The following CMSS1 variants were observed in gnomAD, a reference collection of about 807,000 sequenced individuals.
The protein encoded by CMSS1 is cms1 ribosomal small subunit homolog, also known as protein CMSS1.
Under a neutral mutation model 43.5 loss-of-function variants are expected in CMSS1, and 33 were observed. The observed-to-expected ratio is 0.76, with a 90% CI of 0.57 to 1.01. CMSS1 has a LOEUF of 1.01. Ranked by LOEUF, CMSS1 falls within the 50% of genes least tolerant of loss-of-function variation. The pLI is 0.00. For missense variants in CMSS1, 313 were observed against 326.4 expected (o/e 0.96, Z 0.32); for synonymous variants, 115 against 117.2 (o/e 0.98, Z 0.12).
intron 1 of CMSS1, among the ~76,000 whole-genome samples, chr3:100,000,348 T>C (rs1019669958): frequency 3.9e-5 from 6 of 152,328 alleles, no homozygotes; most frequent in Admixed American, 1.3e-4. Flanking sequence ...TTTATTTGTT[T>C]TCTTGTTTGT....
At chr3:99,897,358 AGACT>A (rs1706291013) in intron 1 of CMSS1, among the ~76,000 whole-genome samples, 1 of 151,928 alleles carries the variant, frequency 6.6e-6, no homozygotes, top group African/African-American at 2.4e-5. Context: ...GACAAGAGCT[AGACT>A]TTGTCTCAAA....
Position 100,117,826 on chromosome 3 carries a change from TATATATATATATATATATATATATATAC to T in CMSS1, c.65-29121_65-29094del, listed in dbSNP as rs1252700665. 2.2e-3 allele frequency among the ~76,000 whole-genome samples: 123 copies of T among 56,758 alleles called. 1 individual carries two copies. Among genetic ancestry groups the T allele is most frequent in the African/African-American group, 0.013 (102 of 7,954 alleles). The allele number at this position is 56,758 out of a possible 152,430, so 37.2% of individuals were successfully genotyped here. ...CCATCAATGGATAGATAAACTGCAG[TATATATATATATATATATATATATATAC>T]ATATATATATATATATATATATATA... On this transcript the variant is annotated intron_variant, in intron 1 of 9. Transcript: ENST00000421999.
intron 1 of CMSS1, among the ~76,000 whole-genome samples, chr3:99,886,862 C>G (rs1705916279): frequency 6.6e-6 from 1 of 151,504 alleles, no homozygotes. Context: ...CCCAGCTACT[C>G]AGGAGGCTGA....
At chr3:100,146,041 A>T (rs1430659072) in intron 1 of CMSS1, among the ~76,000 whole-genome samples, 1 of 152,258 alleles carries the variant, frequency 6.6e-6, no homozygotes, top group Non-Finnish European at 1.5e-5. Context: ...ACATGTTCAC[A>T]TATTCACATT....
At chr3:100,090,719 C>A (rs904730205) in intron 1 of CMSS1, among the ~76,000 whole-genome samples, 1 of 152,144 alleles carries the variant, frequency 6.6e-6, no homozygotes, top group Non-Finnish European at 1.5e-5. Flanking sequence ...CACCCAAATG[C>A]TCAGGAAAAC....
chr3:100,007,818 A>G (rs1179547469), intron 1 of CMSS1, among the ~76,000 whole-genome samples: 1 of 152,326 alleles, frequency 6.6e-6, no homozygotes. Context: ...GGAATTGGCC[A>G]CTGCCAGCCA....
intron 1 of CMSS1, among the ~76,000 whole-genome samples, chr3:100,034,440 T>G (rs1051993575): frequency 1.3e-5 from 2 of 152,124 alleles, no homozygotes; most frequent in African/African-American, 4.8e-5. Flanking sequence ...TCACACTGGC[T>G]TTAGTAAGGA....
intron 1 of CMSS1, among the ~76,000 whole-genome samples, chr3:99,950,192 T>C (rs1235088248): frequency 6.6e-6 from 1 of 152,178 alleles, no homozygotes; most frequent in Non-Finnish European, 1.5e-5. Flanking sequence ...TTTACTTCCT[T>C]ATCTATATTT....
chr3:99,930,547 C>T (rs899221637), intron 1 of CMSS1, among the ~76,000 whole-genome samples: 6 of 152,210 alleles, frequency 3.9e-5, no homozygotes, highest in Admixed American at 2.0e-4. Flanking sequence ...TGACCTTTCA[C>T]GACCTGTATG....
chr3:100,067,098 C>A (rs1335469888), intron 1 of CMSS1, among the ~76,000 whole-genome samples: 1 of 152,132 alleles, frequency 6.6e-6, no homozygotes, highest in Non-Finnish European at 1.5e-5. Context: ...GATGCATGTT[C>A]CCAGGGCACC....
intron 1 of CMSS1, among the ~76,000 whole-genome samples, chr3:99,821,215 C>A (rs1288606747): frequency 6.6e-6 from 1 of 152,182 alleles, no homozygotes; most frequent in Non-Finnish European, 1.5e-5. Context: ...AACATGGGAC[C>A]TGGCACTTAA....
intron 1 of CMSS1, among the ~76,000 whole-genome samples, chr3:100,127,681 C>T (rs1463556193): frequency 2.0e-5 from 3 of 152,190 alleles, no homozygotes; most frequent in Non-Finnish European, 2.9e-5. Flanking sequence ...CATCTCACTG[C>T]TTACATAATC....
chr3:100,104,301 G>C (rs1013573886), intron 1 of CMSS1, among the ~76,000 whole-genome samples: 1 of 152,168 alleles, frequency 6.6e-6, no homozygotes. Flanking sequence ...CCTGAAACTG[G>C]AATCAAGACC....
intron 1 of CMSS1, among the ~76,000 whole-genome samples, chr3:99,916,405 C>T (rs1217671576): frequency 6.6e-6 from 1 of 150,440 alleles, no homozygotes; most frequent in Non-Finnish European, 1.5e-5. Context: ...CCTTCAGGAT[C>T]ATGTGAGCCA....
At chr3:100,013,203 A>G (rs1710213578) in intron 1 of CMSS1, among the ~76,000 whole-genome samples, 1 of 146,150 alleles carries the variant, frequency 6.8e-6, no homozygotes, top group Non-Finnish European at 1.5e-5. Flanking sequence ...GCCCATTTCA[A>G]GGCCAGTGAG....
chr3:99,824,067 C>T (rs1253268497), intron 1 of CMSS1, among the ~76,000 whole-genome samples: 2 of 151,972 alleles, frequency 1.3e-5, no homozygotes, highest in Non-Finnish European at 2.9e-5. Context: ...GGATTACAGG[C>T]GCCTGCCACC....
At chr3:99,989,749 C>T (rs935818945) in intron 1 of CMSS1, among the ~76,000 whole-genome samples, 3 of 149,570 alleles carry the variant, frequency 2.0e-5, no homozygotes, top group African/African-American at 7.4e-5. Flanking sequence ...ATTTAGTATG[C>T]TAATATGTTA....
Position 100,166,291 on chromosome 3 carries a change from G to A in CMSS1, c.356-44G>A, listed in dbSNP as rs199780598. On this transcript the variant is annotated intron_variant, in intron 4 of 9. Transcript: ENST00000421999. ...CATATAATCTGTTTTGATTGTGTGT[G>A]TGTTTACAAAATTATCTACAAAGCA... 1.6e-4 allele frequency: 205 copies of A among 1,264,050 alleles called. 2 individuals are homozygous for A. The African/African-American group carries it at 2.7e-3, about 17-fold the overall frequency. 78.3% of individuals were successfully genotyped at this position (1,264,050 alleles called of 1,614,324 possible).
rs1942351516 is a variant in CMSS1 at position 99,817,875 on chromosome 3, A to G, written c.-105A>G. ...GGCGGAGGCGACAGTGTCTAGCGGG[A>G]GCTCCGCGTGTAGCTACGCCGGCCG... is the stretch of plus-strand genomic sequence containing the variant. On this transcript the variant is annotated 5_prime_UTR_variant, in exon 1 of 10. Coordinates refer to ENST00000421999, the MANE Select transcript of CMSS1 (RefSeq NM_032359.4). 2.6e-6 allele frequency: 3 copies of G among 1,170,030 alleles called. No individual in the cohort carries two copies. Among genetic ancestry groups the G allele is most frequent in the Non-Finnish European group, 3.7e-6 (3 of 802,316 alleles). 72.5% of individuals were successfully genotyped at this position (1,170,030 alleles called of 1,614,324 possible).
Sources: gnomAD v4.1 joint callset for allele counts (sites outside exome capture counted in the v4.1 genomes callset) on GRCh38, gnomAD v4.1.1 for gene constraint, MANE v1.5 for transcripts, NCBI Gene and HGNC (gene_info 2026-07-23, HGNC 2026-07-21) for gene names.